The following SYNE1 variants were observed in gnomAD, a reference collection of about 807,000 sequenced individuals.
SYNE1 encodes the protein nesprin-1.
In SYNE1, 616 loss-of-function variants were observed where a neutral mutation model predicts 1,111.0. That is an observed-to-expected ratio of 0.55 (90% CI 0.52 to 0.59). The LOEUF is 0.59. SYNE1 is among the 20% of genes least tolerant of loss of function. SYNE1 has a pLI of 0.00. For missense variants in SYNE1, 10,006 were observed against 10,417.0 expected (o/e 0.96, Z 1.72); for synonymous variants, 3,855 against 3,825.8 (o/e 1.01, Z -0.28).
intron 66 of SYNE1, among the ~76,000 whole-genome samples, chr6:152,355,729 C>T (rs1322339847): frequency 1.3e-5 from 2 of 152,160 alleles, no homozygotes; most frequent in Non-Finnish European, 2.9e-5. Flanking sequence ...TCTATACTGT[C>T]ACTTGATCTG....
At chr6:152,427,630 A>T in intron 38 of SYNE1, 63 bp downstream of exon 38, 1 of 1,585,812 alleles carries the variant, frequency 6.3e-7, no homozygotes, top group Non-Finnish European at 8.7e-7. Context: ...TTATTATTTT[A>T]AATAATGTAA....
Position 152,363,312 on chromosome 6 carries a change from G to A in SYNE1, c.10146-989C>T, listed in dbSNP as rs997277286. Among the ~76,000 whole-genome samples the A allele has an allele frequency of 2.9e-3, 434 of 148,134 alleles. 2 individuals are homozygous for A. Among genetic ancestry groups the A allele is most frequent in the African/African-American group, 0.01 (412 of 41,020 alleles). On this transcript the variant is annotated intron_variant, in intron 63 of 145. Coordinates refer to ENST00000367255, the MANE Select transcript of SYNE1 (RefSeq NM_182961.4). ...GATCAAGGCCATCCTGGCTAACACA[G>A]TGAAACCCCGTCTCTACTAAAAATA...
intron 3 of SYNE1, among the ~76,000 whole-genome samples, chr6:152,592,615 C>G (rs549388498): frequency 6.6e-6 from 1 of 152,298 alleles, no homozygotes; most frequent in Admixed American, 6.5e-5. Flanking sequence ...GTACTATGTT[C>G]ACTGCCAGGG....
At position 152,428,184 on chromosome 6, in the gene SYNE1, TC is replaced by T. The variant is rs2154198427; in HGVS notation, c.4976+20del. The T allele has an allele frequency of 6.2e-7, 1 of 1,611,978 alleles. No homozygotes were observed. The highest frequency in any genetic ancestry group is 8.5e-7 in the Non-Finnish European group (1 of 1,179,984). On this transcript the variant is annotated intron_variant, in intron 37 of 145. Transcript: ENST00000367255. ...ATTTCCTATTTAGTAGTGCAGCAAC[TC>T]AAGGAAAAGTGCTGCTCACCTCTGC...
rs770329883 is a variant in SYNE1 at position 152,398,634 on chromosome 6, C to T, written c.7335G>A (p.Lys2445=). Residue 2445 remains lysine, a synonymous_variant, in exon 49 of 146, where the codon AAG becomes AAA. Transcript: ENST00000367255. ...GCTTCTATACCTGAAGATCATGGAG[C>T]TTTGCTTCTAGAACTTTGCTGTCAC... ...RTGDSKVLEA[K]LHDLQNILDS... The T allele has an allele frequency of 3.7e-6, 6 of 1,613,860 alleles. No homozygotes were observed. The South Asian group carries it at 5.5e-5, about 15-fold the overall frequency.
Position 152,207,985 on chromosome 6 carries a change from A to G in SYNE1, c.22811T>C (p.Phe7604Ser), listed in dbSNP as rs1038493813. ...PIPLQQARTL[F>S]DEVQFKEKVF... ...TTTGCATCTTACCTGCACTTCATCA[A>G]AGAGGGTCCTTGCTTGTTGCAGTGG... Residue 7604 changes from phenylalanine (F) to serine (S), a missense_variant, in exon 125 of 146, where the codon TTT (phenylalanine) becomes TCT (serine). Phe to Ser is a radical substitution (Grantham distance 155, BLOSUM62 -2). This residue lies in a region of SYNE1 where 2,182 missense variants were observed against 2,287.8 expected (regional missense o/e 0.95). Coordinates refer to ENST00000367255, the MANE Select transcript of SYNE1 (RefSeq NM_182961.4). The G allele has an allele frequency of 5.6e-6, 9 of 1,614,130 alleles. No individual in the cohort carries two copies. Among genetic ancestry groups the G allele is most frequent in the African/African-American group, 5.3e-5 (4 of 75,050 alleles).
At chr6:152,251,431 C>G (rs2089208291) in intron 104 of SYNE1, among the ~76,000 whole-genome samples, 1 of 152,002 alleles carries the variant, frequency 6.6e-6, no homozygotes, top group South Asian at 2.1e-4. Context: ...TTAAGAGGTG[C>G]TAGTAATCAC....
intron 3 of SYNE1, among the ~76,000 whole-genome samples, chr6:152,545,016 T>G (rs2099301650): frequency 6.6e-6 from 1 of 152,224 alleles, no homozygotes; most frequent in Admixed American, 6.5e-5. Context: ...ATAGATTTAC[T>G]AAATTACAAA....
At chr6:152,227,209 T>A (rs73003271) in intron 115 of SYNE1, among the ~76,000 whole-genome samples, 200 of 152,256 alleles carry the variant, frequency 1.3e-3, no homozygotes, top group Non-Finnish European at 2.6e-3. Flanking sequence ...ACCTCATTTT[T>A]AAAATAGTAA....
intron 72 of SYNE1, 24 bp from the exon 73 acceptor site, chr6:152,347,259 A>G (rs747145496): frequency 1.2e-6 from 2 of 1,613,846 alleles, no homozygotes; most frequent in Non-Finnish European, 1.7e-6. Context: ...ACCAATACAG[A>G]GTTTTCAGAA....
intron 93 of SYNE1, among the ~76,000 whole-genome samples, chr6:152,295,788 A>T (rs1228365727): frequency 1.3e-5 from 2 of 152,056 alleles, no homozygotes; most frequent in African/African-American, 4.8e-5. Context: ...TCTCCCACAG[A>T]CTCTGAGAAT....
chr6:152,436,104 A>T lies in SYNE1; in HGVS notation c.4150-3T>A. ...CTTTCTGTCCGTTTAGAAAACTCCT[A>T]GAAAAAATATTATGATCATTAGGTA... On this transcript the variant is annotated splice_polypyrimidine_tract_variant and splice_region_variant and intron_variant, in intron 32 of 145. Transcript: ENST00000367255. 2 of 1,613,578 alleles carry T rather than the reference A, an allele frequency of 1.2e-6. No individual in the cohort carries two copies. Among genetic ancestry groups the T allele is most frequent in the Non-Finnish European group, 8.5e-7 (1 of 1,179,888 alleles).
At chr6:152,165,558 T>TA (rs996296435) in intron 130 of SYNE1, among the ~76,000 whole-genome samples, 10 of 152,352 alleles carry the variant, frequency 6.6e-5, no homozygotes, top group East Asian at 1.9e-4. Flanking sequence ...TTTATTGTTT[T>TA]AAAAAATGTG....
intron 63 of SYNE1, chr6:152,363,635 A>G: frequency 2.6e-6 from 1 of 391,756 alleles, no homozygotes; most frequent in Non-Finnish European, 5.1e-6. Flanking sequence ...TGCTCCATCC[A>G]TCCACACCCC....
intron 6 of SYNE1, chr6:152,511,677 A>G: frequency 7.1e-7 from 1 of 1,400,088 alleles, no homozygotes; most frequent in Admixed American, 1.7e-5. Context: ...GGGAATAAAG[A>G]GGTAGGTAGT....
At chr6:152,433,521 A>G in intron 34 of SYNE1, 1 of 461,448 alleles carries the variant, frequency 2.2e-6, no homozygotes, top group Non-Finnish European at 3.9e-6. Context: ...ATCAAGGAAA[A>G]GAATTAATGT....
rs35128811 is a variant in SYNE1 at position 152,218,404 on chromosome 6, CT to C, written c.22045-2del. ...AGGTTTCATAATCAAGAACTCCAGC[CT>C]TTTTTTCCACAAAAGAAATTGGTAT... On this transcript the variant is annotated splice_acceptor_variant, in intron 120 of 145. Transcript: ENST00000367255. LOFTEE classifies it high-confidence loss of function. 6.2e-7 allele frequency: 1 copy of C among 1,609,624 alleles called. No individual in the cohort carries two copies. The highest frequency in any genetic ancestry group is 1.1e-5 in the South Asian group (1 of 90,614).
chr6:152,564,790 G>A (rs369587751), intron 3 of SYNE1, among the ~76,000 whole-genome samples: 1 of 152,084 alleles, frequency 6.6e-6, no homozygotes, highest in Non-Finnish European at 1.5e-5. Context: ...CAACAGATCC[G>A]ACTCGGGATC....
chr6:152,413,624 T>C (rs2098106278), intron 41 of SYNE1, 93 bp from the exon 42 acceptor site: 2 of 1,248,862 alleles, frequency 1.6e-6, no homozygotes, highest in Admixed American at 4.0e-5. Flanking sequence ...CATAAAGCAC[T>C]CATTTAGACA....
Sources: gnomAD v4.1 joint callset for allele counts (sites outside exome capture counted in the v4.1 genomes callset) on GRCh38, gnomAD v4.1.1 for gene constraint, gnomAD v4.1.1 regional missense constraint, MANE v1.5 for transcripts, NCBI Gene and HGNC (gene_info 2026-07-23, HGNC 2026-07-21) for gene names.